The following TENM3 variants were observed in gnomAD, a reference collection of about 807,000 sequenced individuals.
TENM3 encodes teneurin transmembrane protein 3.
TENM3 carries 63 observed loss-of-function variants against 255.1 expected under a neutral mutation model. The observed-to-expected ratio is 0.25, with a 90% CI of 0.20 to 0.30. TENM3 has a LOEUF of 0.30. Ranked by LOEUF, TENM3 falls within the 10% of genes least tolerant of loss-of-function variation. The probability of loss-of-function intolerance (pLI) is 1.00; values close to 1 mark genes in which losing one functional copy is unlikely to be tolerated. For synonymous variants in TENM3, 1,306 were observed against 1,322.3 expected, an observed-to-expected ratio of 0.99 and a Z score of 0.27; for missense variants, 2,929 against 3,461.1, an observed-to-expected ratio of 0.85 and a Z score of 3.86.
chr4:181,551,177 T>C, the TENM3 span, among the ~76,000 whole-genome samples: 1 of 152,190 alleles, frequency 6.6e-6, no homozygotes, highest in Admixed American at 6.5e-5. Flanking sequence ...TTAAAGTGAA[T>C]GTGGAGTTAC....
chr4:181,844,541 G>A, the TENM3 span, among the ~76,000 whole-genome samples: 5 of 151,778 alleles, frequency 3.3e-5, no homozygotes, highest in African/African-American at 7.3e-5. Flanking sequence ...GGTGGCGGGC[G>A]CCTGTAGTCC....
At chr4:182,176,123 CT>C (rs1752474262) in intron 1 of TENM3, among the ~76,000 whole-genome samples, 1 of 146,510 alleles carries the variant, frequency 6.8e-6, no homozygotes. Context: ...AGGTCACATA[CT>C]GTTAGACTTG....
chr4:182,247,510 T>A (rs534301860), intron 1 of TENM3, among the ~76,000 whole-genome samples: 34 of 152,210 alleles, frequency 2.2e-4, no homozygotes, highest in Non-Finnish European at 4.6e-4. Context: ...AACGAGCAGC[T>A]TCACAAAGCT....
the TENM3 span, among the ~76,000 whole-genome samples, chr4:181,850,625 A>G: frequency 6.6e-6 from 1 of 152,170 alleles, no homozygotes; most frequent in Non-Finnish European, 1.5e-5. Flanking sequence ...TATTATTTGC[A>G]TGAAATACAT....
intron 1 of TENM3, among the ~76,000 whole-genome samples, chr4:182,272,202 A>C (rs1387411822): frequency 6.6e-6 from 1 of 152,192 alleles, no homozygotes; most frequent in Non-Finnish European, 1.5e-5. Context: ...TCTTTTCCAT[A>C]ATAACGACTT....
intron 17 of TENM3, among the ~76,000 whole-genome samples, chr4:182,738,091 C>T (rs1761311821): frequency 6.6e-6 from 1 of 152,102 alleles, no homozygotes; most frequent in African/African-American, 2.4e-5. Flanking sequence ...TTGAGACTGA[C>T]TGATCTAATT....
At chr4:182,497,093 C>T (rs375773404) in intron 3 of TENM3, among the ~76,000 whole-genome samples, 30 of 150,522 alleles carry the variant, frequency 2.0e-4, no homozygotes, top group African/African-American at 7.1e-4. Flanking sequence ...CTTGCTCTGT[C>T]GCCAGGCTGG....
the TENM3 span, among the ~76,000 whole-genome samples, chr4:181,990,956 T>C: frequency 1.3e-5 from 2 of 152,108 alleles, no homozygotes; most frequent in African/African-American, 2.4e-5. Flanking sequence ...GATGATTCCA[T>C]GTGGTCAAAG....
At chr4:182,001,852 G>A in the TENM3 span, among the ~76,000 whole-genome samples, 1 of 152,048 alleles carries the variant, frequency 6.6e-6, no homozygotes, top group African/African-American at 2.4e-5. Flanking sequence ...GAGACCTAAG[G>A]TATTTCTAAA....
chr4:182,083,817 G>C, the TENM3 span, among the ~76,000 whole-genome samples: 2 of 152,132 alleles, frequency 1.3e-5, no homozygotes, highest in Non-Finnish European at 2.9e-5. Context: ...AGCTTTTTGA[G>C]AAGAGTTGGT....
chr4:182,758,435 T>C (rs1357849240), intron 22 of TENM3, among the ~76,000 whole-genome samples: 1 of 152,092 alleles, frequency 6.6e-6, no homozygotes, highest in Non-Finnish European at 1.5e-5. Flanking sequence ...TTTGAGATGG[T>C]TAATGGGCAA....
At chr4:182,183,186 CA>C (rs1752944840) in intron 1 of TENM3, among the ~76,000 whole-genome samples, 1 of 152,082 alleles carries the variant, frequency 6.6e-6, no homozygotes, top group Non-Finnish European at 1.5e-5. Context: ...AAGATTAGAA[CA>C]GCATTTTATT....
the TENM3 span, among the ~76,000 whole-genome samples, chr4:181,612,746 A>G: frequency 6.6e-5 from 10 of 152,320 alleles, no homozygotes; most frequent in South Asian, 2.1e-3. Context: ...TTAACATACT[A>G]ATTGATTTTT....
chr4:182,324,090 A>T lies in TENM3; in HGVS notation c.70A>T (p.Thr24Ser). Reference protein sequence around the residue: ...KSRREKERRYTNSSADNEECR... With the variant: ...KSRREKERRYSNSSADNEECR... ...CAGACGAGAGAAGGAACGGCGCTAC[A>T]CAAATTCCTCCGCAGACAATGAGGA... The change falls in exon 2 of 28, where the codon ACA becomes TCA. Residue 24 changes from threonine (T) to serine (S), a missense_variant. Around this residue, in one of 6 missense-constraint regions of TENM3, gnomAD observed 283 missense variants for 256.9 expected, o/e 1.10. Transcript: ENST00000511685. 6.2e-7 allele frequency: 1 copy of T among 1,614,014 alleles called. No individual in the cohort carries two copies. The highest frequency in any genetic ancestry group is 8.5e-7 in the Non-Finnish European group (1 of 1,179,888).
the TENM3 span, among the ~76,000 whole-genome samples, chr4:181,506,183 A>G: frequency 6.6e-6 from 1 of 152,180 alleles, no homozygotes; most frequent in Non-Finnish European, 1.5e-5. Context: ...GACTGTATCA[A>G]TAATAAAGAA....
chr4:182,160,063 T>C (rs7658912), intron 1 of TENM3, among the ~76,000 whole-genome samples: 22,096 of 147,080 alleles, frequency 0.15, 2,454 homozygotes, highest in East Asian at 0.38. Flanking sequence ...AGTGCAGCGG[T>C]GCGATCTCGG....
the TENM3 span, among the ~76,000 whole-genome samples, chr4:181,535,676 C>T: frequency 1.3e-5 from 2 of 152,176 alleles, no homozygotes; most frequent in African/African-American, 4.8e-5. Flanking sequence ...TTGCCCTCAC[C>T]ACTTTGACCT....
At chr4:182,561,552 T>TCTAAATG (rs1743186038) in intron 3 of TENM3, among the ~76,000 whole-genome samples, 1 of 152,080 alleles carries the variant, frequency 6.6e-6, no homozygotes, top group Admixed American at 6.6e-5. Flanking sequence ...GTAGTTTTGT[T>TCTAAATG]TTTTCTAAAT....
the TENM3 span, among the ~76,000 whole-genome samples, chr4:181,864,454 AAAAAAG>A: frequency 2.0e-5 from 3 of 152,104 alleles, no homozygotes; most frequent in South Asian, 6.2e-4. Flanking sequence ...GAGAGAAAGC[AAAAAAG>A]AAAAAGAAAG....
Sources: gnomAD v4.1 joint callset for allele counts (sites outside exome capture counted in the v4.1 genomes callset) on GRCh38, gnomAD v4.1.1 for gene constraint, gnomAD v4.1.1 regional missense constraint, MANE v1.5 for transcripts, NCBI Gene and HGNC (gene_info 2026-07-23, HGNC 2026-07-21) for gene names.